Variants in CFAP100 observed in about 807,000 individuals in gnomAD.
The protein encoded by CFAP100 is cilia and flagella associated protein 100.
A neutral mutation model predicts 81.5 loss-of-function variants in CFAP100; 70 were observed. That is an observed-to-expected ratio of 0.86 (90% CI 0.71 to 1.05). The LOEUF is 1.05. CFAP100 is among the 50% of genes least tolerant of loss of function. The pLI is 0.00. For synonymous variants in CFAP100, 341 were observed against 314.8 expected, an observed-to-expected ratio of 1.08 and a Z score of -0.88; for missense variants, 811 against 776.5, an observed-to-expected ratio of 1.04 and a Z score of -0.53.
At chr3:126,433,033 A>T in intron 13 of CFAP100, 36 bp from the exon 14 acceptor site, 2 of 1,612,352 alleles carry the variant, frequency 1.2e-6, no homozygotes, top group Non-Finnish European at 1.7e-6. Context: ...GGCTGTGCTG[A>T]GTGACTGATG....
In CFAP100 at chr3:126,432,108, G is replaced by A. The variant is rs570937887; in HGVS notation, c.1287-961G>A. 2.4e-4 allele frequency among the ~76,000 whole-genome samples: 36 copies of A among 151,894 alleles called. No homozygotes were observed. In the South Asian group the frequency reaches 2.5e-3, roughly 11 times the overall value. ...ATCCTGGCTAACACAGTGAAACCCC[G>A]TCTCTACTGAAAATACAAAAATTAG... On this transcript the variant is annotated intron_variant, in intron 13 of 16. Coordinates refer to ENST00000352312, the MANE Select transcript of CFAP100 (RefSeq NM_182628.3).
intron 2 of CFAP100, among the ~76,000 whole-genome samples, chr3:126,402,954 G>A (rs2107586760): frequency 6.6e-6 from 1 of 152,244 alleles, no homozygotes; most frequent in Non-Finnish European, 1.5e-5. Flanking sequence ...AGAGTCTGTG[G>A]GATCTGGTGA....
chr3:126,434,104 A>G, intron 14 of CFAP100, 72 bp from the exon 15 acceptor site: 2 of 1,388,386 alleles, frequency 1.4e-6, no homozygotes, highest in East Asian at 4.6e-5. Context: ...TCAGCAGGCC[A>G]CCGCTGAAGG....
intron 2 of CFAP100, among the ~76,000 whole-genome samples, chr3:126,399,890 C>G (rs1002481460): frequency 1.4e-4 from 22 of 152,120 alleles, no homozygotes; most frequent in Admixed American, 1.2e-3. Context: ...GTACAGCTTG[C>G]TGGTGCCAGG....
intron 15 of CFAP100, 182 bp downstream of exon 15, chr3:126,434,563 G>T: frequency 6.5e-6 from 4 of 613,098 alleles, no homozygotes; most frequent in Non-Finnish European, 1.1e-5. Context: ...GTGGGGGGTG[G>T]TTAGGGAAAG....
Position 126,414,116 on chromosome 3 carries a change from C to A in CFAP100, c.162C>A (p.Phe54Leu). The A allele has an allele frequency of 6.2e-7, 1 of 1,614,072 alleles. No individual in the cohort carries two copies. The highest frequency in any genetic ancestry group is 1.1e-5 in the South Asian group (1 of 91,084). The change falls in exon 4 of 17, where the codon TTC becomes TTA. Residue 54 changes from phenylalanine to leucine, a missense_variant. Coordinates refer to ENST00000352312, the MANE Select transcript of CFAP100 (RefSeq NM_182628.3). ...GTCCTGACCCTTCAGCGAACCCTTT[C>A]CACTTATCTGGGGATGTGGATTTCT... is the stretch of plus-strand genomic sequence containing the variant. ...EHGPDPSANP[F>L]HLSGDVDFFL...
chr3:126,421,189 A>G (rs1337709241), intron 11 of CFAP100, among the ~76,000 whole-genome samples: 2 of 152,004 alleles, frequency 1.3e-5, no homozygotes, highest in African/African-American at 4.8e-5. Context: ...TTTTTAGTAG[A>G]GACGGGGTTT....
chr3:126,418,210 G>T, intron 5 of CFAP100: 1 of 524,324 alleles, frequency 1.9e-6, no homozygotes, highest in Non-Finnish European at 3.4e-6. Context: ...AAAGGCGCAA[G>T]TCAGACACAG....
At chr3:126,399,399 C>T (rs2082936842) in intron 2 of CFAP100, among the ~76,000 whole-genome samples, 1 of 152,034 alleles carries the variant, frequency 6.6e-6, no homozygotes, top group Non-Finnish European at 1.5e-5. Context: ...TAGCCAGAGT[C>T]ATTAGGCAAG....
chr3:126,421,964 A>G (rs920308397), intron 11 of CFAP100, among the ~76,000 whole-genome samples: 1 of 152,242 alleles, frequency 6.6e-6, no homozygotes, highest in African/African-American at 2.4e-5. Flanking sequence ...TCCCTCAGCC[A>G]TGGACTGCCC....
intron 7 of CFAP100, 25 bp from the exon 8 acceptor site, chr3:126,419,051 T>TCCCCCCCCCCCCCACCCCCCCCCC: frequency 4.0e-6 from 1 of 249,588 alleles, no homozygotes; most frequent in East Asian, 1.2e-4. Context: ...CCCCCATCCC[T>TCCCCCCCCCCCCCACCCCCCCCCC]CCTCCCCCGC....
intron 13 of CFAP100, among the ~76,000 whole-genome samples, chr3:126,428,050 C>T (rs1933026042): frequency 6.6e-6 from 1 of 152,162 alleles, no homozygotes; most frequent in African/African-American, 2.4e-5. Context: ...ATCCAATCAC[C>T]TCCTACCAGG....
intron 13 of CFAP100, among the ~76,000 whole-genome samples, chr3:126,424,399 G>T (rs1234339109): frequency 2.6e-5 from 4 of 152,242 alleles, no homozygotes; most frequent in African/African-American, 9.6e-5. Flanking sequence ...CCCAGTTCCA[G>T]CCAGAGAGGC....
intron 13 of CFAP100, among the ~76,000 whole-genome samples, chr3:126,429,107 CA>C (rs57773311): frequency 2.8e-3 from 267 of 95,692 alleles, no homozygotes; most frequent in African/African-American, 6.4e-3. Flanking sequence ...CGTCTCCATC[CA>C]AAAAAAAAAA....
At chr3:126,423,205 G>C in intron 11 of CFAP100, 120 bp from the exon 12 acceptor site, 1 of 769,256 alleles carries the variant, frequency 1.3e-6, no homozygotes, top group Admixed American at 2.9e-5. Flanking sequence ...GTAACTTGTG[G>C]GCAGCTGGGA....
Position 126,435,560 on chromosome 3 carries a change from C to T in CFAP100, c.1630C>T (p.Leu544Phe). 1.2e-6 allele frequency: 2 copies of T among 1,610,766 alleles called. No homozygotes were observed. The highest frequency in any genetic ancestry group is 1.7e-6 in the Non-Finnish European group (2 of 1,177,790). The stretch of plus-strand genomic sequence containing the variant: ...TCAATGTCATTTCTTGCCACCCAGA[C>T]TTCGAGAAGAGAAGCTCCAGATGCA... ...RAKEKERRIR[L>F]REEKLQMQKI... The change falls in exon 16 of 17, where the codon CTT becomes TTT. Residue 544 changes from leucine (L) to phenylalanine (F), a missense_variant and splice_region_variant. Physicochemically the swap from Leu to Phe is conservative, Grantham distance 22 (BLOSUM62 0). Coordinates refer to ENST00000352312, the MANE Select transcript of CFAP100 (RefSeq NM_182628.3).
At chr3:126,426,681 C>T (rs551342399) in intron 13 of CFAP100, among the ~76,000 whole-genome samples, 5 of 152,210 alleles carry the variant, frequency 3.3e-5, no homozygotes, top group East Asian at 1.9e-4. Context: ...ACTTGGGAGG[C>T]GGAGGTTGCA....
intron 7 of CFAP100, 63 bp from the exon 8 acceptor site, chr3:126,419,012 CT>C (rs1163069253): frequency 3.1e-5 from 34 of 1,098,926 alleles, no homozygotes; most frequent in Non-Finnish European, 4.2e-5. Flanking sequence ...GTGCTCACCC[CT>C]CTTTAATAGG....
At chr3:126,420,673 G>A (rs1323415469) in intron 11 of CFAP100, 2 of 173,844 alleles carry the variant, frequency 1.2e-5, no homozygotes, top group African/African-American at 4.8e-5. Context: ...GTCATTTCCT[G>A]TCTCCATGGA....
Sources: allele counts gnomAD v4.1 joint callset (sites outside exome capture counted in the v4.1 genomes callset), GRCh38; gene constraint gnomAD v4.1.1; transcripts MANE v1.5; gene names NCBI Gene and HGNC (gene_info 2026-07-23, HGNC 2026-07-21).